The following CDK12 variants were observed in gnomAD, a reference collection of about 807,000 sequenced individuals.
CDK12 encodes the protein cyclin dependent kinase 12, also known as cyclin-dependent kinase 12.
In CDK12, 17 loss-of-function variants were observed where a neutral mutation model predicts 133.8. That is an observed-to-expected ratio of 0.13 (90% CI 0.09 to 0.19). The LOEUF is 0.19. Ranked by LOEUF, CDK12 falls within the 10% of genes least tolerant of loss-of-function variation. The pLI is 1.00. For synonymous variants in CDK12, 694 were observed against 683.6 expected (o/e 1.02, Z -0.24); for missense variants, 1,508 against 1,818.7 (o/e 0.83, Z 3.11).
At chr17:39,562,897 CTTTTCTT>C (rs2056428912) in intron 3 of CDK12, among the ~76,000 whole-genome samples, 1 of 93,682 alleles carries the variant, frequency 1.1e-5, no homozygotes, top group African/African-American at 3.6e-5. Flanking sequence ...TTTTCTTTTT[CTTTTCTT>C]TTTTTTTTTT....
At chr17:39,563,865 TAGAAAA>T (rs2056480341) in intron 3 of CDK12, among the ~76,000 whole-genome samples, 1 of 152,124 alleles carries the variant, frequency 6.6e-6, no homozygotes, top group Admixed American at 6.5e-5. Flanking sequence ...GTGGTCATAT[TAGAAAA>T]ACAGATTATG....
At chr17:39,469,056 T>C (rs2049579041) in intron 1 of CDK12, among the ~76,000 whole-genome samples, 1 of 151,372 alleles carries the variant, frequency 6.6e-6, no homozygotes, top group Admixed American at 6.6e-5. Context: ...CTTGATCTCC[T>C]GACCTCGTGA....
rs2049032022 is a variant in CDK12, at chr17:39,462,592, C to T, written c.521C>T (p.Ser174Phe). Reference sequence around the variant, plus strand: ...GTAGCCAAAAGCAGCAGCAAGGAATCCAGGTCATCCAAGCTCCACAAGGAG... The same window carrying T: ...GTAGCCAAAAGCAGCAGCAAGGAATTCAGGTCATCCAAGCTCCACAAGGAG... Reference protein sequence around the residue: ...AQVAKSSSKESRSSKLHKEKT... With the variant: ...AQVAKSSSKEFRSSKLHKEKT... The change falls in exon 1 of 14, where the codon TCC becomes TTC. Residue 174 changes from serine (S) to phenylalanine (F), a missense_variant. Physicochemically the swap from Ser to Phe is radical, Grantham distance 155 (BLOSUM62 -2). Coordinates refer to ENST00000447079, the MANE Select transcript of CDK12 (RefSeq NM_016507.4). The T allele has an allele frequency of 6.2e-7, 1 of 1,614,102 alleles. No individual in the cohort carries two copies. Among genetic ancestry groups the T allele is most frequent in the Non-Finnish European group, 8.5e-7 (1 of 1,180,026 alleles).
chr17:39,502,808 C>T (rs1369946985), intron 6 of CDK12, among the ~76,000 whole-genome samples: 1 of 152,006 alleles, frequency 6.6e-6, no homozygotes, highest in East Asian at 1.9e-4. Flanking sequence ...CACAAAAGTA[C>T]ATAAACATGA....
rs2146834944 is a variant in CDK12 at position 39,530,824 on chromosome 17, G to A, written c.3981G>A (p.Glu1327=). The A allele has an allele frequency of 6.2e-7, 1 of 1,614,162 alleles. No homozygotes were observed. Among genetic ancestry groups the A allele is most frequent in the Non-Finnish European group, 8.5e-7 (1 of 1,180,042 alleles). The change falls in exon 14 of 14, where the codon GAG becomes GAA. Residue 1327 remains glutamate, a synonymous_variant. Transcript: ENST00000447079. ...PHEHQALRPM[E]YSTRPRPNRT... ...AGCACCAGGCCTTGAGACCAATGGAGTACTCCACCCGACCCCGTCCAAACA... is the reference window on the plus strand; with the variant it reads ...AGCACCAGGCCTTGAGACCAATGGAATACTCCACCCGACCCCGTCCAAACA...
At chr17:39,564,848 T>A (rs965120525), downstream of CDK12, 7 of 151,996 alleles carry the variant, frequency 4.6e-5, no homozygotes, top group African/African-American at 1.7e-4. Flanking sequence ...CAGGGAAGAG[T>A]GGAAGAAAAG....
chr17:39,480,915 T>A (rs1003229593), intron 2 of CDK12, among the ~76,000 whole-genome samples: 1 of 152,182 alleles, frequency 6.6e-6, no homozygotes. Context: ...TATTAATGGA[T>A]ATATTTCTGC....
At chr17:39,481,657 T>TCTCC (rs2050689891) in intron 2 of CDK12, among the ~76,000 whole-genome samples, 1 of 13,128 alleles carries the variant, frequency 7.6e-5, no homozygotes. Context: ...TCTCTCTCTC[T>TCTCC]CTCTCTCTCT....
chr17:39,560,575 T>G (rs1409776171), intron 3 of CDK12, among the ~76,000 whole-genome samples: 1 of 152,214 alleles, frequency 6.6e-6, no homozygotes, highest in Non-Finnish European at 1.5e-5. Context: ...AGCTGACTTT[T>G]CAGGTGGAGG....
Position 39,471,488 on chromosome 17 carries a change from ACCTTTGCCT to A in CDK12, c.1659_1667del (p.Leu554_Pro556del). On this transcript the variant is annotated inframe_deletion, in exon 2 of 14. Transcript: ENST00000447079. ...CTCCACCTCAGACACCCCCTTTGCC[ACCTTTGCCT>A]CCAATACCAGCTCTTCCACAGCAAC... 6.5e-7 allele frequency: 1 copy of A among 1,540,566 alleles called. No homozygotes were observed. The highest frequency in any genetic ancestry group is 2.4e-5 in the East Asian group (1 of 42,522).
intron 1 of CDK12, among the ~76,000 whole-genome samples, chr17:39,469,449 G>A (rs2049612335): frequency 6.6e-6 from 1 of 151,988 alleles, no homozygotes; most frequent in Admixed American, 6.6e-5. Context: ...TTATGTGTTG[G>A]GAATTTGTTT....
upstream of CDK12, among the ~76,000 whole-genome samples, chr17:39,547,489 T>G (rs764383373): frequency 2.0e-5 from 3 of 152,120 alleles, no homozygotes; most frequent in Non-Finnish European, 2.9e-5. Flanking sequence ...TTTAATAATA[T>G]CCAGACTGTT....
At chr17:39,499,511 T>TTC (rs1567740062) in intron 5 of CDK12, among the ~76,000 whole-genome samples, 1 of 130,602 alleles carries the variant, frequency 7.7e-6, no homozygotes, top group African/African-American at 3.4e-5. Context: ...GCCCAGCCTC[T>TTC]TTTTTTTTTT....
At chr17:39,560,688 G>A (rs993697033) in intron 3 of CDK12, among the ~76,000 whole-genome samples, 5 of 152,182 alleles carry the variant, frequency 3.3e-5, no homozygotes, top group Non-Finnish European at 5.9e-5. Flanking sequence ...GGTCACTCAG[G>A]TCCTCACAGC....
chr17:39,502,373 T>C (rs1214216217), intron 6 of CDK12, among the ~76,000 whole-genome samples: 1 of 152,050 alleles, frequency 6.6e-6, no homozygotes, highest in East Asian at 1.9e-4. Flanking sequence ...CAGGATGGTC[T>C]CTATCTCCTG....
chr17:39,468,649 AT>A (rs1357843151), intron 1 of CDK12, among the ~76,000 whole-genome samples: 1 of 150,076 alleles, frequency 6.7e-6, no homozygotes, highest in Non-Finnish European at 1.5e-5. Context: ...CTAATTTTGT[AT>A]TTTTAGTAGA....
At chr17:39,515,225 A>G (rs2053727926) in intron 8 of CDK12, among the ~76,000 whole-genome samples, 1 of 152,100 alleles carries the variant, frequency 6.6e-6, no homozygotes, top group African/African-American at 2.4e-5. Flanking sequence ...AAATAAAAAT[A>G]AAAAAAGTCC....
rs761059862 is a variant in CDK12, at chr17:39,462,398, C to G, written c.327C>G (p.His109Gln). The G allele has an allele frequency of 2.5e-6, 4 of 1,614,158 alleles. No individual in the cohort carries two copies. The South Asian group carries it at 4.4e-5, about 18-fold the overall frequency. ...RRGSDRSDRL[H>Q]KHRHHQHRRS... is the part of the protein sequence containing the mutation. Reference sequence around the variant, plus strand: ...GATCAGATCGGAGCGACCGCCTGCACAAACATCGTCACCACCAGCACAGGC... The same window carrying G: ...GATCAGATCGGAGCGACCGCCTGCAGAAACATCGTCACCACCAGCACAGGC... Residue 109 changes from histidine to glutamine, a missense_variant, in exon 1 of 14, where the codon CAC (histidine) becomes CAG (glutamine). This residue lies in a region of CDK12 where 460 missense variants were observed against 490.8 expected (regional missense o/e 0.94). Transcript: ENST00000447079.
chr17:39,475,816 A>T (rs2050150036), intron 2 of CDK12, among the ~76,000 whole-genome samples: 1 of 152,066 alleles, frequency 6.6e-6, no homozygotes. Context: ...AAATACTGAG[A>T]TTACAGGTGT....
Sources: gnomAD v4.1 joint callset for allele counts (sites outside exome capture counted in the v4.1 genomes callset) on GRCh38, gnomAD v4.1.1 for gene constraint, gnomAD v4.1.1 regional missense constraint, MANE v1.5 for transcripts, NCBI Gene and HGNC (gene_info 2026-07-23, HGNC 2026-07-21) for gene names.